Variants in L3HYPDH observed in about 807,000 individuals in gnomAD.
L3HYPDH encodes trans-3-hydroxy-L-proline dehydratase.
Under a neutral mutation model 26.5 loss-of-function variants are expected in L3HYPDH, and 32 were observed. That is an observed-to-expected ratio of 1.21 (90% CI 0.91 to 1.62). The LOEUF is 1.62. L3HYPDH is among the 40% of genes most tolerant of loss of function. The pLI, the probability that L3HYPDH is intolerant of heterozygous loss-of-function variation, is 0.00. For synonymous variants in L3HYPDH, 215 were observed against 196.6 expected (o/e 1.09, Z -0.78); for missense variants, 554 against 476.4 (o/e 1.16, Z -1.52).
At chr14:59,495,253 TG>T in the L3HYPDH span, 417,427 of 1,262,662 alleles carry the variant, frequency 0.33, 49,368 homozygotes, top group African/African-American at 0.55. Flanking sequence ...TTAAGATCAT[TG>T]TTTTTTTTTA....
At chr14:59,485,172 G>C, upstream of L3HYPDH, 1 of 1,568,802 alleles carries the variant, frequency 6.4e-7, no homozygotes, top group Non-Finnish European at 8.6e-7. Flanking sequence ...TTCAGGCCTT[G>C]GATTTTGAGA....
intron 2 of L3HYPDH, among the ~76,000 whole-genome samples, chr14:59,477,735 A>G (rs1220754417): frequency 1.3e-5 from 2 of 152,232 alleles, no homozygotes; most frequent in Non-Finnish European, 2.9e-5. Flanking sequence ...ATAATTTAGA[A>G]TACTGATACA....
intron 2 of L3HYPDH, 21 bp downstream of exon 2, chr14:59,479,161 T>C (rs375290153): frequency 2.7e-5 from 42 of 1,558,670 alleles, no homozygotes; most frequent in Non-Finnish European, 3.4e-5. Context: ...GAATTGGTTA[T>C]GAAGGCAGAG....
chr14:59,483,529 C>T, intron 1 of L3HYPDH: 1 of 1,373,140 alleles, frequency 7.3e-7, no homozygotes, highest in Non-Finnish European at 9.4e-7. Context: ...GAATGCCTCA[C>T]CAGTGCAGAG....
At chr14:59,502,760 T>TGTTTTGTTTTGG in the L3HYPDH span, among the ~76,000 whole-genome samples, 1 of 130,112 alleles carries the variant, frequency 7.7e-6, no homozygotes, top group Non-Finnish European at 1.6e-5. Context: ...ATTTTTTTTT[T>TGTTTTGTTTTGG]TTTTTTTTTT....
intron 1 of L3HYPDH, among the ~76,000 whole-genome samples, chr14:59,480,862 T>C (rs1159050458): frequency 6.6e-6 from 1 of 152,178 alleles, no homozygotes; most frequent in Admixed American, 6.6e-5. Flanking sequence ...GGCAAGTTGA[T>C]AGAAATGAGG....
the L3HYPDH span, among the ~76,000 whole-genome samples, chr14:59,497,557 T>A: frequency 6.6e-6 from 1 of 152,172 alleles, no homozygotes; most frequent in Non-Finnish European, 1.5e-5. Flanking sequence ...TTGCTGTTGA[T>A]AAGAGGTAGC....
the L3HYPDH span, chr14:59,500,940 A>G: frequency 2.0e-5 from 8 of 399,524 alleles, no homozygotes; most frequent in Admixed American, 1.3e-4. Flanking sequence ...TGTATTCTCT[A>G]TGGCTGCTTT....
upstream of L3HYPDH, among the ~76,000 whole-genome samples, chr14:59,488,140 C>A (rs1034584977): frequency 6.6e-6 from 1 of 151,854 alleles, no homozygotes; most frequent in Non-Finnish European, 1.5e-5. Flanking sequence ...TGTTATGGAA[C>A]ACATTCTTTG....
At chr14:59,484,552 TG>T, upstream of L3HYPDH, 1 of 1,566,238 alleles carries the variant, frequency 6.4e-7, no homozygotes, top group Non-Finnish European at 8.7e-7. Context: ...CCAGATCCGC[TG>T]ATCTAGTGCT....
chr14:59,468,352 C>T, downstream of L3HYPDH, among the ~76,000 whole-genome samples: 1 of 152,194 alleles, frequency 6.6e-6, no homozygotes, highest in Non-Finnish European at 1.5e-5. Context: ...CACTTTCCTT[C>T]TTTTTTCTGT....
At chr14:59,489,620 C>A in the L3HYPDH span, among the ~76,000 whole-genome samples, 1 of 152,246 alleles carries the variant, frequency 6.6e-6, no homozygotes. Flanking sequence ...ATCTTTATAG[C>A]ACTGCCCTAC....
intron 1 of L3HYPDH, among the ~76,000 whole-genome samples, chr14:59,481,930 G>A (rs1401515338): frequency 6.6e-6 from 1 of 152,146 alleles, no homozygotes; most frequent in African/African-American, 2.4e-5. Context: ...ACAGATTAGG[G>A]ACTCGAAAGC....
chr14:59,500,246 G>A, the L3HYPDH span, among the ~76,000 whole-genome samples: 1 of 152,102 alleles, frequency 6.6e-6, no homozygotes, highest in South Asian at 2.1e-4. Context: ...TAGTAAGTTG[G>A]AATCAGGCCT....
intron 1 of L3HYPDH, among the ~76,000 whole-genome samples, chr14:59,466,901 C>T (rs1566554958): frequency 6.6e-6 from 1 of 152,160 alleles, no homozygotes. Context: ...CTAAAACTGT[C>T]TTCAGATATT....
rs1889356427 is a variant in L3HYPDH at position 59,472,781 on chromosome 14, T to C, written c.*184A>G. 1 of 460,870 alleles carries C rather than the reference T, an allele frequency of 2.2e-6. No homozygotes were observed. Among genetic ancestry groups the C allele is most frequent in the Non-Finnish European group, 3.7e-6 (1 of 272,680 alleles). 28.5% of individuals were successfully genotyped at this position (460,870 alleles called of 1,614,324 possible). On this transcript the variant is annotated 3_prime_UTR_variant, in exon 5 of 5. Coordinates refer to ENST00000247194, the MANE Select transcript of L3HYPDH (RefSeq NM_144581.2). ...TTTTGTATGCTAGACATAAGTGATA[T>C]TTATACAAATACAGTTGCAAATACG... is the stretch of plus-strand genomic sequence containing the variant.
chr14:59,487,228 T>C (rs1209088588), upstream of L3HYPDH: 3 of 154,696 alleles, frequency 1.9e-5, no homozygotes, highest in South Asian at 2.0e-4. Context: ...TAAGGAAATA[T>C]AAAAGAATAT....
chr14:59,500,996 G>A, the L3HYPDH span: 1 of 525,806 alleles, frequency 1.9e-6, no homozygotes, highest in Non-Finnish European at 3.3e-6. Flanking sequence ...AGAAATGCAG[G>A]GCTGAAACTA....
chr14:59,495,706 T>G, the L3HYPDH span, among the ~76,000 whole-genome samples: 1 of 152,192 alleles, frequency 6.6e-6, no homozygotes, highest in Non-Finnish European at 1.5e-5. Flanking sequence ...TGATATTTTT[T>G]GGGGGAAAGG....
Sources: gnomAD v4.1 joint callset for allele counts (sites outside exome capture counted in the v4.1 genomes callset) on GRCh38, gnomAD v4.1.1 for gene constraint, MANE v1.5 for transcripts, NCBI Gene and HGNC (gene_info 2026-07-23, HGNC 2026-07-21) for gene names.